Variants in CACNA2D1 observed in about 807,000 individuals in gnomAD.
CACNA2D1 encodes calcium voltage-gated channel auxiliary subunit alpha2delta 1.
In CACNA2D1, 53 loss-of-function variants were observed where a neutral mutation model predicts 171.5. The ratio of observed to expected loss-of-function variants is 0.31; its 90% CI spans 0.25 to 0.39. The LOEUF is 0.39. Among genes scored for constraint, CACNA2D1 ranks in the 10% least tolerant of loss-of-function variants. CACNA2D1 has a pLI of 1.00. For synonymous variants in CACNA2D1, 442 were observed against 443.1 expected, an observed-to-expected ratio of 1.00 and a Z score of 0.03; for missense variants, 903 against 1,299.8, an observed-to-expected ratio of 0.69 and a Z score of 4.69.
chr7:82,386,636 G>A (rs1245209129), intron 1 of CACNA2D1, among the ~76,000 whole-genome samples: 2 of 152,034 alleles, frequency 1.3e-5, no homozygotes, highest in Non-Finnish European at 1.5e-5. Flanking sequence ...GCAAGGCTGA[G>A]GCAGGAGAAT....
intron 1 of CACNA2D1, among the ~76,000 whole-genome samples, chr7:82,398,372 A>T (rs10226769): frequency 6.6e-6 from 1 of 152,076 alleles, no homozygotes; most frequent in Non-Finnish European, 1.5e-5. Context: ...GAATTCTCAA[A>T]TCAGAAAAAA....
At chr7:82,073,380 C>T (rs879547152) in intron 7 of CACNA2D1, among the ~76,000 whole-genome samples, 1 of 152,100 alleles carries the variant, frequency 6.6e-6, no homozygotes, top group Non-Finnish European at 1.5e-5. Flanking sequence ...ACTATATGCA[C>T]AGAACTGTGT....
intron 1 of CACNA2D1, among the ~76,000 whole-genome samples, chr7:82,427,437 A>C (rs1829294316): frequency 6.6e-6 from 1 of 152,258 alleles, no homozygotes; most frequent in Admixed American, 6.5e-5. Flanking sequence ...TGTGTTGGAT[A>C]GTGCTAAAGC....
intron 1 of CACNA2D1, among the ~76,000 whole-genome samples, chr7:82,438,842 T>C (rs1196516927): frequency 6.6e-6 from 1 of 152,200 alleles, no homozygotes; most frequent in Admixed American, 6.5e-5. Context: ...CACAGACAGC[T>C]CTTTTAATAG....
rs73384030 is a variant in CACNA2D1 at position 82,397,581 on chromosome 7, G to A, written c.95+45784C>T. Among the ~76,000 whole-genome samples the A allele has an allele frequency of 3.4e-3, 512 of 152,192 alleles. 1 individual carries two copies. Among genetic ancestry groups the A allele is most frequent in the African/African-American group, 0.012 (491 of 41,522 alleles). Reference sequence around the variant, plus strand: ...CACAAAACAGTGAAGAAATACAAAGGCAAATCAGTGATTAAAATATAATGC... The same window carrying A: ...CACAAAACAGTGAAGAAATACAAAGACAAATCAGTGATTAAAATATAATGC... On this transcript the variant is annotated intron_variant, in intron 1 of 38. Coordinates refer to ENST00000356860, the MANE Select transcript of CACNA2D1 (RefSeq NM_000722.4).
intron 18 of CACNA2D1, among the ~76,000 whole-genome samples, chr7:81,998,955 A>G (rs1798318908): frequency 6.6e-6 from 1 of 152,194 alleles, no homozygotes; most frequent in Non-Finnish European, 1.5e-5. Context: ...ATGTCCCATG[A>G]AATAAACTGT....
In CACNA2D1 at chr7:81,947,259, AG is replaced by A. The variant is rs2129872757; in HGVS notation, c.*3132del. 1 of 152,082 alleles carries A rather than the reference AG, an allele frequency of 6.6e-6. No homozygotes were observed. The highest frequency in any genetic ancestry group is 2.1e-4 in the South Asian group (1 of 4,830). 9.4% of individuals were successfully genotyped at this position (152,082 alleles called of 1,614,324 possible). ...GGATACTGCCTATTTGAACCCGATAAGTCCAGTTTTAAAGTTAATAAAAGGA... is the reference window on the plus strand; with the variant it reads ...GGATACTGCCTATTTGAACCCGATAATCCAGTTTTAAAGTTAATAAAAGGA... On this transcript the variant is annotated 3_prime_UTR_variant, in exon 39 of 39. Coordinates refer to ENST00000356860, the MANE Select transcript of CACNA2D1 (RefSeq NM_000722.4).
At chr7:82,364,852 C>T (rs1399109692) in intron 1 of CACNA2D1, among the ~76,000 whole-genome samples, 1 of 152,092 alleles carries the variant, frequency 6.6e-6, no homozygotes, top group Non-Finnish European at 1.5e-5. Context: ...AATGAATGGG[C>T]AGACAATAGG....
At chr7:82,241,622 T>C (rs542001079) in intron 3 of CACNA2D1, among the ~76,000 whole-genome samples, 202 of 151,774 alleles carry the variant, frequency 1.3e-3, no homozygotes, top group Middle Eastern at 3.4e-3. Flanking sequence ...CTAATTATTC[T>C]AGAGTGCTTG....
At chr7:81,975,642 TATACTTTAAATGA>T (rs1385055510) in intron 24 of CACNA2D1, among the ~76,000 whole-genome samples, 2 of 152,344 alleles carry the variant, frequency 1.3e-5, no homozygotes, top group East Asian at 3.9e-4. Context: ...TATTCTTTCT[TATACTTTAAATGA>T]ATCTTTTAAG....
chr7:81,961,484 AAAAT>A (rs1189791810), intron 36 of CACNA2D1, among the ~76,000 whole-genome samples: 1 of 151,866 alleles, frequency 6.6e-6, no homozygotes, highest in Non-Finnish European at 1.5e-5. Context: ...ACTATATAGA[AAAAT>A]AAATAATATT....
chr7:82,037,048 A>C (rs1337880754), intron 11 of CACNA2D1, among the ~76,000 whole-genome samples: 1 of 152,206 alleles, frequency 6.6e-6, no homozygotes, highest in African/African-American at 2.4e-5. Context: ...GCAGAGAAGT[A>C]AGGTTCCTAC....
intron 3 of CACNA2D1, among the ~76,000 whole-genome samples, chr7:82,272,157 T>C (rs899741346): frequency 4.6e-5 from 7 of 152,146 alleles, no homozygotes; most frequent in African/African-American, 1.4e-4. Flanking sequence ...AAAACATAAA[T>C]AGAATCTAAA....
rs565121488 is a variant in CACNA2D1, at chr7:82,150,257, T to TAAAAAAAAAAAAAAA, written c.355-13582_355-13581insTTTTTTTTTTTTTTT. Among the ~76,000 whole-genome samples the TAAAAAAAAAAAAAAA allele has an allele frequency of 9.7e-5, 9 of 92,876 alleles. 1 individual carries two copies. The highest frequency in any genetic ancestry group is 1.5e-4 in the African/African-American group (4 of 27,238). 60.9% of individuals were successfully genotyped at this position (92,876 alleles called of 152,430 possible). ...CTAACTGCTTTGCTTTAGATCAAAT[T>TAAAAAAAAAAAAAAA]AAAAAAAAAAAACAAAAACAACAAC... is the stretch of plus-strand genomic sequence containing the variant. On this transcript the variant is annotated intron_variant, in intron 4 of 38. Coordinates refer to ENST00000356860, the MANE Select transcript of CACNA2D1 (RefSeq NM_000722.4).
intron 3 of CACNA2D1, among the ~76,000 whole-genome samples, chr7:82,198,981 G>A (rs954114032): frequency 1.3e-5 from 2 of 152,072 alleles, no homozygotes; most frequent in Non-Finnish European, 1.5e-5. Flanking sequence ...TTACAAGGAA[G>A]AATTTGGATT....
intron 3 of CACNA2D1, among the ~76,000 whole-genome samples, chr7:82,197,831 A>G (rs4732435): frequency 0.61 from 92,351 of 151,478 alleles, 29,154 homozygotes; most frequent in East Asian, 0.81. Flanking sequence ...ACACACTACC[A>G]TGTGTTTTAA....
At chr7:82,390,646 C>T (rs1467180988) in intron 1 of CACNA2D1, among the ~76,000 whole-genome samples, 2 of 152,002 alleles carry the variant, frequency 1.3e-5, no homozygotes, top group African/African-American at 4.8e-5. Flanking sequence ...TTCCAGAGAT[C>T]CTAGGAAGCC....
chr7:82,302,846 TA>T (rs1214494789), intron 3 of CACNA2D1, among the ~76,000 whole-genome samples: 1 of 152,190 alleles, frequency 6.6e-6, no homozygotes, highest in African/African-American at 2.4e-5. Flanking sequence ...AATTGTCTAC[TA>T]AAGGGGAATA....
At chr7:81,978,961 G>A (rs980096586) in intron 24 of CACNA2D1, among the ~76,000 whole-genome samples, 3 of 149,940 alleles carry the variant, frequency 2.0e-5, no homozygotes, top group Non-Finnish European at 3.0e-5. Flanking sequence ...AGTAAATTTC[G>A]ATCTTCTAGT....
Sources: gnomAD v4.1 joint callset for allele counts (sites outside exome capture counted in the v4.1 genomes callset) on GRCh38, gnomAD v4.1.1 for gene constraint, MANE v1.5 for transcripts, NCBI Gene and HGNC (gene_info 2026-07-23, HGNC 2026-07-21) for gene names.